SLC6A12: variants seen among roughly 807,000 people sequenced by gnomAD.
The protein encoded by SLC6A12 is sodium- and chloride-dependent betaine transporter.
A neutral mutation model predicts 73.3 loss-of-function variants in SLC6A12; 50 were observed. The observed-to-expected ratio is 0.68, with a 90% confidence interval of 0.54 to 0.86. The LOEUF is 0.86. SLC6A12 is among the 40% of genes least tolerant of loss of function. The pLI is 0.00. For missense variants in SLC6A12, 648 were observed against 772.8 expected, an observed-to-expected ratio of 0.84 and a Z score of 1.92; for synonymous variants, 304 against 309.2, an observed-to-expected ratio of 0.98 and a Z score of 0.18.
intron 3 of SLC6A12, among the ~76,000 whole-genome samples, chr12:205,983 A>G (rs527315729): frequency 6.6e-6 from 1 of 152,342 alleles, no homozygotes; most frequent in Admixed American, 6.5e-5. Flanking sequence ...ATCCTCGTGC[A>G]CTTGTCTAAT....
At chr12:208,765 T>C (rs1037141196) in intron 3 of SLC6A12, among the ~76,000 whole-genome samples, 1 of 152,116 alleles carries the variant, frequency 6.6e-6, no homozygotes, top group Non-Finnish European at 1.5e-5. Flanking sequence ...GTTCCAAAAG[T>C]GGTTGTGGTG....
rs762648391 is a variant in SLC6A12 at position 209,742 on chromosome 12, C to T, written c.214+31G>A. 5.0e-6 allele frequency: 8 copies of T among 1,613,534 alleles called. No homozygotes were observed. The East Asian group carries it at 1.6e-4, about 31-fold the overall frequency. On this transcript the variant is annotated intron_variant, in intron 3 of 15. Transcript: ENST00000684302. ...TGCCCAGCTGCCAGCACACAGCTCT[C>T]CCCACCATGCCTACCTCAAAGTGAA...
rs1042580083 is a variant in SLC6A12, at chr12:190,974, G to A, written c.*94C>T. 1.8e-6 allele frequency: 2 copies of A among 1,092,678 alleles called. No individual in the cohort carries two copies. The highest frequency in any genetic ancestry group is 2.3e-6 in the Non-Finnish European group (2 of 853,512). 67.7% of individuals were successfully genotyped at this position (1,092,678 alleles called of 1,614,324 possible). A position where few individuals can be genotyped will look rare whatever the true frequency, so the allele number is the denominator to read the frequency against. On this transcript the variant is annotated 3_prime_UTR_variant, in exon 16 of 16. Transcript: ENST00000684302. Reference sequence around the variant, plus strand: ...CTCCAGAGGTTCCCAGCAGGATTGTGGCAGGAGACAGAGGCAGAGGCTGTC... The same window carrying A: ...CTCCAGAGGTTCCCAGCAGGATTGTAGCAGGAGACAGAGGCAGAGGCTGTC...
chr12:194,003 G>A (rs954823343), intron 13 of SLC6A12: 1 of 152,232 alleles, frequency 6.6e-6, no homozygotes, highest in East Asian at 1.9e-4. Context: ...AGTCTTCTAA[G>A]AAGCAAAGAA....
intron 3 of SLC6A12, among the ~76,000 whole-genome samples, chr12:207,731 G>A (rs1398959346): frequency 6.6e-6 from 1 of 152,066 alleles, no homozygotes; most frequent in Non-Finnish European, 1.5e-5. Context: ...TCATTAGGTT[G>A]TTGGAAATGA....
At chr12:185,581 G>A (rs1254676735), downstream of SLC6A12, among the ~76,000 whole-genome samples, 1 of 152,246 alleles carries the variant, frequency 6.6e-6, no homozygotes, top group African/African-American at 2.4e-5. Context: ...ATAGCCACAG[G>A]TTATGCACTG....
Position 196,963 on chromosome 12 carries a change from T to C in SLC6A12, c.1076-81A>G. 4 of 898,282 alleles carry C rather than the reference T, an allele frequency of 4.5e-6. 1 individual carries two copies. In the South Asian group the frequency reaches 5.4e-5, roughly 12 times the overall value. The allele number at this position is 898,282 out of a possible 1,614,324, so 55.6% of individuals were successfully genotyped here. A position where few individuals can be genotyped will look rare whatever the true frequency, so the allele number is the denominator to read the frequency against. ...AAGAGGCGTCTCTCTAAGCACTGTG[T>C]GTGTGTGTACCTGTGCACACACTTT... On this transcript the variant is annotated intron_variant, in intron 10 of 15. Coordinates refer to ENST00000684302, the MANE Select transcript of SLC6A12 (RefSeq NM_001122848.3).
chr12:207,450 T>A (rs975450847), intron 3 of SLC6A12, among the ~76,000 whole-genome samples: 3 of 152,238 alleles, frequency 2.0e-5, no homozygotes, highest in African/African-American at 7.2e-5. Flanking sequence ...CTCCCCTCTT[T>A]TTCATAACCA....
chr12:188,436 C>T (rs1161329314), downstream of SLC6A12, among the ~76,000 whole-genome samples: 1 of 151,942 alleles, frequency 6.6e-6, no homozygotes, highest in Non-Finnish European at 1.5e-5. Context: ...CGCGCAGCCC[C>T]GCTTCCCGCC....
chr12:184,566 C>T, the SLC6A12 span, among the ~76,000 whole-genome samples: 43 of 152,144 alleles, frequency 2.8e-4, no homozygotes, highest in Admixed American at 3.3e-4. Context: ...CTGGCTAACA[C>T]GGTGAAACCC....
chr12:192,335 CT>C, intron 15 of SLC6A12, 142 bp downstream of exon 15: 1 of 693,260 alleles, frequency 1.4e-6, no homozygotes, highest in Non-Finnish European at 2.4e-6. Flanking sequence ...CAAAGTTCGT[CT>C]CGTTAAGATT....
At chr12:206,539 C>T (rs2137194574) in intron 3 of SLC6A12, among the ~76,000 whole-genome samples, 1 of 152,292 alleles carries the variant, frequency 6.6e-6, no homozygotes, top group South Asian at 2.1e-4. Flanking sequence ...ATACGCATTT[C>T]CAAATTGTTC....
intron 13 of SLC6A12, 109 bp from the exon 14 acceptor site, chr12:193,486 T>C: frequency 1.3e-6 from 1 of 756,010 alleles, no homozygotes; most frequent in Non-Finnish European, 2.2e-6. Flanking sequence ...CCCCGCCCTG[T>C]GCAGGGAAAC....
chr12:193,348 C>T lies in SLC6A12; in HGVS notation c.1459G>A (p.Asp487Asn). ...GGCCATGGCCGGTAGCCAATCATGT[C>T]CTCAATGTTGTCATAGAAACGGTCC... Reference protein sequence around the residue: ...GADRFYDNIEDMIGYRPWPLV... With the variant: ...GADRFYDNIENMIGYRPWPLV... Residue 487 changes from aspartate (D) to asparagine (N), a missense_variant, in exon 14 of 16, where the codon GAC (aspartate) becomes AAC (asparagine). Physicochemically the swap from Asp to Asn is conservative, Grantham distance 23. Coordinates refer to ENST00000684302, the MANE Select transcript of SLC6A12 (RefSeq NM_001122848.3). 6.2e-7 allele frequency: 1 copy of T among 1,614,018 alleles called. No homozygotes were observed. Among genetic ancestry groups the T allele is most frequent in the South Asian group, 1.1e-5 (1 of 91,078 alleles).
At chr12:185,055 GAGAA>G in the SLC6A12 span, among the ~76,000 whole-genome samples, 3 of 147,218 alleles carry the variant, frequency 2.0e-5, no homozygotes, top group African/African-American at 7.3e-5. Context: ...AGGAAGATAA[GAGAA>G]AGAATCATGA....
intron 2 of SLC6A12, among the ~76,000 whole-genome samples, chr12:210,855 C>G (rs1315220599): frequency 1.2e-4 from 18 of 152,196 alleles, no homozygotes. Flanking sequence ...CACTGCCCTT[C>G]CCTTCTCCCT....
Position 192,462 on chromosome 12 carries a change from C to G in SLC6A12, c.1701+16G>C. 2 of 1,613,152 alleles carry G rather than the reference C, an allele frequency of 1.2e-6. No individual in the cohort carries two copies. Among genetic ancestry groups the G allele is most frequent in the Non-Finnish European group, 1.7e-6 (2 of 1,179,322 alleles). Reference sequence around the variant, plus strand: ...GTGCCCTCCTTTAAGAGGTCACTCTCCCCTACACCACCTACCTTCCTGAAA... The same window carrying G: ...GTGCCCTCCTTTAAGAGGTCACTCTGCCCTACACCACCTACCTTCCTGAAA... On this transcript the variant is annotated intron_variant, in intron 15 of 15. Coordinates refer to ENST00000684302, the MANE Select transcript of SLC6A12 (RefSeq NM_001122848.3).
chr12:187,344 G>A (rs74057604), downstream of SLC6A12, among the ~76,000 whole-genome samples: 965 of 152,074 alleles, frequency 6.3e-3, 8 homozygotes, highest in African/African-American at 0.022. Context: ...ACGTTCAGAT[G>A]TGTTCGGAGT....
In SLC6A12 at chr12:197,890, C is replaced by T. The variant is rs1259297733; in HGVS notation, c.950+10G>A. 2 of 1,595,098 alleles carry T rather than the reference C, an allele frequency of 1.3e-6. No homozygotes were observed. The highest frequency in any genetic ancestry group is 1.3e-5 in the African/African-American group (1 of 74,306). ...CTCCTTCACCCCACCCCGGCCCACG[C>T]TGTTCTCACTTGTAGCAGTTGTTGT... On this transcript the variant is annotated intron_variant, in intron 9 of 15. Coordinates refer to ENST00000684302, the MANE Select transcript of SLC6A12 (RefSeq NM_001122848.3).
Sources: allele counts gnomAD v4.1 joint callset (sites outside exome capture counted in the v4.1 genomes callset), GRCh38; gene constraint gnomAD v4.1.1; transcripts MANE v1.5; gene names NCBI Gene and HGNC (gene_info 2026-07-23, HGNC 2026-07-21).